Variants in VILL observed in about 807,000 individuals in gnomAD.
VILL encodes villin like, also known as villin-like protein.
VILL carries 102 observed loss-of-function variants against 106.3 expected under a neutral mutation model. That is an observed-to-expected ratio of 0.96 (90% CI 0.82 to 1.13). The LOEUF is 1.13. Among genes scored for constraint, VILL ranks in the 50% most tolerant of loss-of-function variants. The pLI is 0.00. For missense variants in VILL, 1,076 were observed against 1,116.6 expected, an observed-to-expected ratio of 0.96 and a Z score of 0.52; for synonymous variants, 431 against 440.3, an observed-to-expected ratio of 0.98 and a Z score of 0.27.
In VILL at chr3:37,998,973, CCGA is replaced by C; in HGVS notation, c.1005_1007del (p.Glu336del). On this transcript the variant is annotated inframe_deletion, in exon 10 of 20. Coordinates refer to ENST00000383759, the MANE Select transcript of VILL (RefSeq NM_015873.4). The surrounding 1 kb of genome is among the most constrained non-coding windows in gnomAD (Gnocchi z 4.1). ...AACGTGGAGGTGGTGAACGACGGCG[CCGA>C]GTCGGCCGCGTTCAAGCAGCTCTTC... is the stretch of plus-strand genomic sequence containing the variant. 1.2e-6 allele frequency: 2 copies of C among 1,610,512 alleles called. No homozygotes were observed. Among genetic ancestry groups the C allele is most frequent in the Non-Finnish European group, 1.7e-6 (2 of 1,178,538 alleles).
At chr3:37,999,520 C>A in intron 11 of VILL, 81 bp downstream of exon 11, 1 of 1,090,156 alleles carries the variant, frequency 9.2e-7, no homozygotes, top group Non-Finnish European at 1.3e-6. Context: ...TGACTGCTAT[C>A]TAAAGTGACC....
rs777428847 is a variant in VILL, at chr3:38,006,687, C to T, written c.2444C>T (p.Pro815Leu). The change falls in exon 19 of 20, where the codon CCT becomes CTT. Residue 815 changes from proline to leucine, a missense_variant. Physicochemically the swap from Pro to Leu is moderately conservative, Grantham distance 98. Transcript: ENST00000383759. ...AVEDLPEGVD[P>L]ARREFYLSDS... ...GAGGACCTGCCAGAGGGCGTGGACC[C>T]TGCCCGCAGGGAGGTGGGCACCCCC... The T allele has an allele frequency of 6.2e-7, 1 of 1,604,972 alleles. No homozygotes were observed. The highest frequency in any genetic ancestry group is 1.7e-5 in the Admixed American group (1 of 59,712).
Position 37,997,320 on chromosome 3 carries a change from G to A in VILL, c.561+133G>A, listed in dbSNP as rs1699721049. ...CCCAAGAAACGCCTATGAGTTACAAGCTGAGTTCAGACCCTGCATTGTTGG... is the reference window on the plus strand; with the variant it reads ...CCCAAGAAACGCCTATGAGTTACAAACTGAGTTCAGACCCTGCATTGTTGG... On this transcript the variant is annotated intron_variant, in intron 6 of 19. Coordinates refer to ENST00000383759, the MANE Select transcript of VILL (RefSeq NM_015873.4). This position sits in a 1 kb window ranked among gnomAD's most constrained non-coding sequence, Gnocchi z 4.7. 1 of 1,169,694 alleles carries A rather than the reference G, an allele frequency of 8.5e-7. No homozygotes were observed. The highest frequency in any genetic ancestry group is 2.5e-5 in the East Asian group (1 of 40,194). 72.5% of individuals were successfully genotyped at this position (1,169,694 alleles called of 1,614,324 possible).
At position 38,002,431 on chromosome 3, in the gene VILL, A is replaced by G. The variant is rs548857206; in HGVS notation, c.1515A>G (p.Ala505=). The G allele has an allele frequency of 1.9e-6, 3 of 1,613,852 alleles. No homozygotes were observed. The highest frequency in any genetic ancestry group is 2.2e-5 in the East Asian group (1 of 44,864). The change falls in exon 14 of 20, where the codon GCA becomes GCG. Residue 505 remains alanine, a synonymous_variant. Coordinates refer to ENST00000383759, the MANE Select transcript of VILL (RefSeq NM_015873.4). ...GGCACCATGGAAAGGGGCAGTCAGCATCCACCACAAGGCTTTTCCAAGTGC... is the reference window on the plus strand; with the variant it reads ...GGCACCATGGAAAGGGGCAGTCAGCGTCCACCACAAGGCTTTTCCAAGTGC... ...RAGHHGKGQS[A]STTRLFQVQG... is the part of the protein sequence containing the mutation.
At chr3:37,999,604 TCATA>T (rs1477456004) in intron 11 of VILL, among the ~76,000 whole-genome samples, 165 bp downstream of exon 11, 29 of 152,258 alleles carry the variant, frequency 1.9e-4, no homozygotes, top group Non-Finnish European at 2.4e-4. Context: ...AGCAGGCAGT[TCATA>T]CATAGTCACG....
chr3:38,002,894 TA>T, intron 14 of VILL: 1 of 530,744 alleles, frequency 1.9e-6, no homozygotes, highest in Non-Finnish European at 3.3e-6. Context: ...TTTTCTCTAA[TA>T]TTCAGCATAA....
Position 38,007,032 on chromosome 3 carries a change from A to G in VILL, c.2548A>G (p.Lys850Glu). 1 of 1,614,052 alleles carries G rather than the reference A, an allele frequency of 6.2e-7. No homozygotes were observed. The highest frequency in any genetic ancestry group is 8.5e-7 in the Non-Finnish European group (1 of 1,179,984). Reference protein sequence around the residue: ...SMATWRQRQEKKQLGFF With the variant: ...SMATWRQRQEEKQLGFF ...GGCCACGTGGAGGCAGCGGCAGGAGAAAAAGCAGCTGGGCTTCTTCTGAAC... is the reference window on the plus strand; with the variant it reads ...GGCCACGTGGAGGCAGCGGCAGGAGGAAAAGCAGCTGGGCTTCTTCTGAAC... The change falls in exon 20 of 20, where the codon AAA becomes GAA. Residue 850 changes from lysine to glutamate, a missense_variant. Lys to Glu is a moderately conservative substitution (Grantham distance 56). Coordinates refer to ENST00000383759, the MANE Select transcript of VILL (RefSeq NM_015873.4).
chr3:38,007,082 C>T lies in VILL; in HGVS notation c.*27C>T. ...CCCAAGCCCTCTCGACTGCCCCTAT[C>T]CCCTGGACCCCAACATACCTACAAT... On this transcript the variant is annotated 3_prime_UTR_variant, in exon 20 of 20. Coordinates refer to ENST00000383759, the MANE Select transcript of VILL (RefSeq NM_015873.4). 1 of 1,579,728 alleles carries T rather than the reference C, an allele frequency of 6.3e-7. No homozygotes were observed. The highest frequency in any genetic ancestry group is 8.7e-7 in the Non-Finnish European group (1 of 1,149,866).
rs369097941 is a variant in VILL at position 37,994,347 on chromosome 3, C to T, written c.222C>T (p.Gly74=). The change falls in exon 4 of 20, where the codon GGC becomes GGT. Residue 74 remains glycine (G), a synonymous_variant. Transcript: ENST00000383759. ...VGKQAGAEAQ[G]AAEAFQQRLQ... ...AGCAGGCGGGTGCGGAAGCGCAGGGCGCTGCGGAGGCCTTCCAGCAGCGCC... is the reference window on the plus strand; with the variant it reads ...AGCAGGCGGGTGCGGAAGCGCAGGGTGCTGCGGAGGCCTTCCAGCAGCGCC... The T allele has an allele frequency of 6.8e-6, 11 of 1,611,424 alleles. No individual in the cohort carries two copies. In the South Asian group the frequency reaches 1.2e-4, roughly 18 times the overall value.
chr3:38,006,854 C>T, intron 19 of VILL, 88 bp from the exon 20 acceptor site: 1 of 1,509,990 alleles, frequency 6.6e-7, no homozygotes, highest in Non-Finnish European at 9.0e-7. Context: ...GAGTCCCAAG[C>T]CCTGGATGAC....
At chr3:38,005,238 G>A (rs1699893198) in intron 16 of VILL, among the ~76,000 whole-genome samples, 1 of 152,100 alleles carries the variant, frequency 6.6e-6, no homozygotes, top group African/African-American at 2.4e-5. Context: ...AGCCCTACGT[G>A]ACCTGGCCAG....
Position 37,997,046 on chromosome 3 carries a change from G to T in VILL, c.451-31G>T. On this transcript the variant is annotated intron_variant, in intron 5 of 19. Coordinates refer to ENST00000383759, the MANE Select transcript of VILL (RefSeq NM_015873.4). The surrounding 1 kb of genome is among the most constrained non-coding windows in gnomAD (Gnocchi z 4.7). Reference sequence around the variant, plus strand: ...CCCCTCTAGCGGATGCTGGTGGTATGACACTCTGTCTCTCTCCCTGGCTCT... The same window carrying T: ...CCCCTCTAGCGGATGCTGGTGGTATTACACTCTGTCTCTCTCCCTGGCTCT... 1.3e-6 allele frequency: 2 copies of T among 1,599,408 alleles called. No individual in the cohort carries two copies. Among genetic ancestry groups the T allele is most frequent in the South Asian group, 2.2e-5 (2 of 90,548 alleles).
At chr3:37,990,433 C>T (rs182015992), upstream of VILL, among the ~76,000 whole-genome samples, 1 of 152,322 alleles carries the variant, frequency 6.6e-6, no homozygotes, top group African/African-American at 2.4e-5. This position sits in a 1 kb window ranked among gnomAD's most constrained non-coding sequence, Gnocchi z 5.1. Context: ...CCTCTTGGTC[C>T]AGGCGGAGCC....
In VILL at chr3:38,004,224, G is replaced by A. The variant is rs748139590; in HGVS notation, c.1806-31G>A. The A allele has an allele frequency of 1.9e-6, 3 of 1,591,026 alleles. No individual in the cohort carries two copies. In the South Asian group the frequency reaches 3.3e-5, roughly 18 times the overall value. On this transcript the variant is annotated intron_variant, in intron 15 of 19. Coordinates refer to ENST00000383759, the MANE Select transcript of VILL (RefSeq NM_015873.4). ...CATGGGCTGGGGTGCCCCTCTGGGT[G>A]GCTCACAGCCTTGCTGTCCGTGCTG...
In VILL at chr3:38,002,322, C is replaced by A. The variant is rs377481629; in HGVS notation, c.1480-74C>A. On this transcript the variant is annotated intron_variant, in intron 13 of 19. Transcript: ENST00000383759. Reference sequence around the variant, plus strand: ...AAGCAAGGGTCCCTGAGCTCTGAGGCAATATGTCCCACACTGGGACAGGAA... The same window carrying A: ...AAGCAAGGGTCCCTGAGCTCTGAGGAAATATGTCCCACACTGGGACAGGAA... 4,464 of 1,431,710 alleles carry A rather than the reference C, an allele frequency of 3.1e-3. 147 individuals are homozygous for A. In the South Asian group the frequency reaches 0.055, roughly 18 times the overall value. 88.7% of individuals were successfully genotyped at this position (1,431,710 alleles called of 1,614,324 possible). A position where few individuals can be genotyped will look rare whatever the true frequency, so the allele number is the denominator to read the frequency against.
intron 16 of VILL, among the ~76,000 whole-genome samples, chr3:38,005,182 G>A (rs936201107): frequency 1.3e-5 from 2 of 152,090 alleles, no homozygotes; most frequent in South Asian, 2.1e-4. Flanking sequence ...TGGTGATGAA[G>A]CTGTGTGCTC....
chr3:37,999,214 G>A, intron 10 of VILL, 125 bp from the exon 11 acceptor site: 1 of 1,211,780 alleles, frequency 8.3e-7, no homozygotes, highest in Non-Finnish European at 1.1e-6. Flanking sequence ...TGAGGAAAGG[G>A]GCGTGGGCTG....
Position 37,999,032 on chromosome 3 carries a change from C to T in VILL, c.1063C>T (p.Gln355Ter), listed in dbSNP as rs781244242. ...TTGGTCTGAGAAGCGGCGCAGGAAC[C>T]AGAAGCTCGGCGGGAGGGGTGAGCG... The part of the protein sequence containing the change: ...RTWSEKRRRN[Q>*]KLGGRDKSIH... Residue 355 changes from glutamine to a stop codon, truncating the protein, a stop_gained, in exon 10 of 20, where the codon CAG (glutamine) becomes TAG (stop). Transcript: ENST00000383759. LOFTEE classifies it high-confidence loss of function. 9 of 1,577,066 alleles carry T rather than the reference C, an allele frequency of 5.7e-6. No individual in the cohort carries two copies. The Admixed American group carries it at 1.2e-4, about 21-fold the overall frequency.
upstream of VILL, among the ~76,000 whole-genome samples, chr3:37,990,232 A>G (rs960022905): frequency 4.6e-5 from 7 of 152,134 alleles, no homozygotes; most frequent in Admixed American, 3.9e-4. The surrounding 1 kb of genome is among the most constrained non-coding windows in gnomAD (Gnocchi z 5.1). Context: ...CTCTCCCATG[A>G]TGGGTATCAG....
Sources: allele counts gnomAD v4.1 joint callset (sites outside exome capture counted in the v4.1 genomes callset), GRCh38; gene constraint gnomAD v4.1.1; non-coding constraint Gnocchi (gnomAD v3.1); transcripts MANE v1.5; gene names NCBI Gene and HGNC (gene_info 2026-07-23, HGNC 2026-07-21).